Variants in PTPRQ observed in about 807,000 individuals in gnomAD.
PTPRQ encodes protein tyrosine phosphatase receptor type Q.
A neutral mutation model predicts 246.0 loss-of-function variants in PTPRQ; 199 were observed. The observed-to-expected ratio is 0.81, with a 90% confidence interval of 0.72 to 0.91. The LOEUF (loss-of-function observed/expected upper bound fraction) is 0.91, where lower values mean the gene tolerates loss of function less well. Ranked by LOEUF, PTPRQ falls within the 40% of genes least tolerant of loss-of-function variation. The pLI, the probability that PTPRQ is intolerant of heterozygous loss-of-function variation, is 0.00. For missense variants in PTPRQ, 2,624 were observed against 2,528.4 expected (o/e 1.04, Z -0.81); for synonymous variants, 869 against 853.2 (o/e 1.02, Z -0.32).
rs199812877 is a variant in PTPRQ, at chr12:80,542,136, A to G, written c.3493A>G (p.Thr1165Ala). 1.1e-4 allele frequency: 172 copies of G among 1,550,504 alleles called. No individual in the cohort carries two copies. The African/African-American group carries it at 2.1e-3, about 19-fold the overall frequency. Residue 1165 changes from threonine (T) to alanine (A), a missense_variant, in exon 22 of 45, where the codon ACC becomes GCC. By Grantham distance (58) the Thr-to-Ala change is moderately conservative. Coordinates refer to ENST00000644991, the MANE Select transcript of PTPRQ (RefSeq NM_001145026.2). ...IINTFKNLSS[T>A]SVLLSWDPPV... ...CAACACTTTTAAAAACCTTTCCTCT[A>G]CCTCAGTTCTCTTATCATGGGATCC...
intron 35 of PTPRQ, among the ~76,000 whole-genome samples, chr12:80,642,727 C>T (rs1009054095): frequency 4.0e-5 from 6 of 150,206 alleles, no homozygotes; most frequent in Admixed American, 6.6e-5. Context: ...GAGACCATCC[C>T]GGCTAAAACG....
At chr12:80,535,440 G>A (rs1469257608) in intron 19 of PTPRQ, among the ~76,000 whole-genome samples, 1 of 152,006 alleles carries the variant, frequency 6.6e-6, no homozygotes, top group Non-Finnish European at 1.5e-5. Flanking sequence ...GATATAAATA[G>A]TTCTAGTGTT....
chr12:80,510,173 A>G (rs1424362409), intron 16 of PTPRQ, 150 bp from the exon 17 acceptor site: 9 of 781,528 alleles, frequency 1.2e-5, no homozygotes, highest in Non-Finnish European at 1.6e-5. Context: ...TCTCATTTTG[A>G]AAGTAAACAG....
At chr12:80,668,908 G>A (rs1342378827) in intron 39 of PTPRQ, 99 bp from the exon 40 acceptor site, 3 of 1,345,164 alleles carry the variant, frequency 2.2e-6, no homozygotes, top group South Asian at 2.2e-5. Flanking sequence ...AAAATATTAG[G>A]TAATTTTACA....
chr12:80,590,433 T>C (rs1897755300), intron 26 of PTPRQ, among the ~76,000 whole-genome samples: 1 of 152,008 alleles, frequency 6.6e-6, no homozygotes, highest in Admixed American at 6.6e-5. Flanking sequence ...TTTGAGAGGC[T>C]GAGGCGGGTG....
intron 35 of PTPRQ, among the ~76,000 whole-genome samples, chr12:80,639,045 T>G (rs1444254758): frequency 6.6e-6 from 1 of 152,166 alleles, no homozygotes; most frequent in African/African-American, 2.4e-5. Flanking sequence ...TTAGAAAGGT[T>G]TCTTAGAGCT....
intron 6 of PTPRQ, among the ~76,000 whole-genome samples, chr12:80,464,042 C>T (rs1893307777): frequency 6.6e-6 from 1 of 151,772 alleles, no homozygotes; most frequent in Middle Eastern, 3.2e-3. Flanking sequence ...TGTAAATGGA[C>T]TAAATGCTCC....
chr12:80,607,135 T>A (rs1033073809), intron 27 of PTPRQ, among the ~76,000 whole-genome samples: 2 of 150,964 alleles, frequency 1.3e-5, no homozygotes, highest in African/African-American at 4.8e-5. Flanking sequence ...TTCATTATCT[T>A]ATTATATGTT....
chr12:80,590,371 T>G (rs1897753151), intron 26 of PTPRQ, among the ~76,000 whole-genome samples: 1 of 152,018 alleles, frequency 6.6e-6, no homozygotes. Flanking sequence ...CTTTCTTGCT[T>G]AAAACTATCC....
intron 3 of PTPRQ, among the ~76,000 whole-genome samples, chr12:80,452,924 T>C (rs547049099): frequency 2.6e-5 from 4 of 152,378 alleles, no homozygotes; most frequent in East Asian, 1.9e-4. Flanking sequence ...CCTTGCTGGA[T>C]TGGGGAAGTT....
At chr12:80,534,787 C>A in intron 18 of PTPRQ, 105 bp from the exon 19 acceptor site, 1 of 1,362,542 alleles carries the variant, frequency 7.3e-7, no homozygotes, top group Non-Finnish European at 9.7e-7. Flanking sequence ...TTTTGAAAAA[C>A]ATTTTTTATC....
At chr12:80,561,054 T>G (rs1031798165) in intron 25 of PTPRQ, 5 of 153,074 alleles carry the variant, frequency 3.3e-5, no homozygotes, top group Non-Finnish European at 7.3e-5. Context: ...GACTGTATGA[T>G]CTGATCACAT....
Position 80,588,324 on chromosome 12 carries a change from C to T in PTPRQ, c.4481C>T (p.Ala1494Val), listed in dbSNP as rs1369910820. Residue 1494 changes from alanine (A) to valine (V), a missense_variant, in exon 26 of 45, where the codon GCT (alanine) becomes GTT (valine). Ala to Val is a moderately conservative substitution (Grantham distance 64). Transcript: ENST00000644991. ...CAAAAAATTCAATACCTCTATGAAG[C>T]TCACTTAACTGAAGAGACAGTATAT... ...EYQKIQYLYEAHLTEETVYGL... is the reference protein window; with the variant it reads ...EYQKIQYLYEVHLTEETVYGL... The T allele has an allele frequency of 1.0e-5, 16 of 1,551,352 alleles. No homozygotes were observed. The highest frequency in any genetic ancestry group is 1.7e-4 in the Middle Eastern group (1 of 6,012).
chr12:80,554,325 C>T (rs1416232799), intron 25 of PTPRQ, among the ~76,000 whole-genome samples: 3 of 152,072 alleles, frequency 2.0e-5, no homozygotes, highest in African/African-American at 7.2e-5. Flanking sequence ...CTTGTGTACC[C>T]TGTAAATACA....
intron 28 of PTPRQ, among the ~76,000 whole-genome samples, chr12:80,613,104 G>C (rs1160255108): frequency 6.6e-6 from 1 of 150,406 alleles, no homozygotes; most frequent in Non-Finnish European, 1.5e-5. Context: ...ACAAAACATG[G>C]AAAGGGGTGA....
chr12:80,614,745 G>A (rs982477139), intron 29 of PTPRQ, among the ~76,000 whole-genome samples: 1 of 150,644 alleles, frequency 6.6e-6, no homozygotes, highest in African/African-American at 2.4e-5. Context: ...CTGTGCCAGG[G>A]CAGCTTTATC....
intron 10 of PTPRQ, 63 bp from the exon 11 acceptor site, chr12:80,494,870 A>C: frequency 1.4e-6 from 2 of 1,471,680 alleles, no homozygotes; most frequent in African/African-American, 1.4e-5. Context: ...TCTAAGAAAA[A>C]AATAATTTTG....
intron 43 of PTPRQ, among the ~76,000 whole-genome samples, chr12:80,674,372 G>A (rs115229231): frequency 0.027 from 4,089 of 152,232 alleles, 175 homozygotes; most frequent in African/African-American, 0.092. Flanking sequence ...GGATCTTAAT[G>A]TTAATTTCAC....
chr12:80,469,863 A>G (rs902661288), intron 7 of PTPRQ, among the ~76,000 whole-genome samples: 3 of 152,242 alleles, frequency 2.0e-5, no homozygotes, highest in African/African-American at 7.2e-5. Flanking sequence ...TGATAAATCA[A>G]GTGAGAGGCA....
Sources: gnomAD v4.1 joint callset for allele counts (sites outside exome capture counted in the v4.1 genomes callset) on GRCh38, gnomAD v4.1.1 for gene constraint, MANE v1.5 for transcripts, NCBI Gene and HGNC (gene_info 2026-07-23, HGNC 2026-07-21) for gene names.